CDH18: variants seen among roughly 807,000 people sequenced by gnomAD.
CDH18 encodes the protein cadherin 18.
In CDH18, 31 loss-of-function variants were observed where a neutral mutation model predicts 67.9. That is an observed-to-expected ratio of 0.46 (90% CI 0.34 to 0.62). CDH18 has a LOEUF of 0.62. CDH18 is among the 20% of genes least tolerant of loss of function. CDH18 has a pLI of 0.01. For synonymous variants in CDH18, 362 were observed against 347.2 expected (o/e 1.04, Z -0.48); for missense variants, 890 against 975.5 (o/e 0.91, Z 1.17).
At chr5:20,184,090 AT>A (rs1737907542) in intron 2 of CDH18, among the ~76,000 whole-genome samples, 1 of 152,096 alleles carries the variant, frequency 6.6e-6, no homozygotes, top group Non-Finnish European at 1.5e-5. Context: ...GTGTAATGCT[AT>A]GAAAGTTATT....
chr5:20,346,224 A>G lies in CDH18; in HGVS notation c.-579-90719T>C, dbSNP rs116162077. 6.9e-3 allele frequency among the ~76,000 whole-genome samples: 1,053 copies of G among 152,264 alleles called. 9 individuals are homozygous for G. The highest frequency in any genetic ancestry group is 9.4e-3 in the Non-Finnish European group (642 of 68,016). On this transcript the variant is annotated intron_variant, in intron 1 of 14. Transcript: ENST00000507958. ...GGAGACTAACAACATGGAACACTCT[A>G]TGTTATGGAGCAGAGAGTCTTATTA...
At chr5:19,875,419 G>C (rs62352171) in intron 2 of CDH18, among the ~76,000 whole-genome samples, 59 of 95,480 alleles carry the variant, frequency 6.2e-4, no homozygotes, top group South Asian at 1.1e-3. Context: ...TAGATAGATA[G>C]ATAGATAGAT....
intron 3 of CDH18, among the ~76,000 whole-genome samples, chr5:19,807,160 G>C (rs1778128102): frequency 6.6e-6 from 1 of 152,082 alleles, no homozygotes; most frequent in Non-Finnish European, 1.5e-5. Context: ...AAAATATAGG[G>C]ACCTGTTGGG....
At chr5:19,846,720 G>T (rs929192046) in intron 2 of CDH18, among the ~76,000 whole-genome samples, 2 of 151,974 alleles carry the variant, frequency 1.3e-5, no homozygotes, top group South Asian at 4.1e-4. Context: ...ATACTGAGGG[G>T]TAGCTGTACT....
rs775394918 is a variant in CDH18 at position 19,839,006 on chromosome 5, TCA to T, written c.-22_-21del. ...TTTCATTGTAAGATAACTTTCCAGT[TCA>T]CAGTTTTCCTTCCTTTCCTTGTCAG... On this transcript the variant is annotated 5_prime_UTR_variant, in exon 3 of 13. Coordinates refer to ENST00000382275, the MANE Select transcript of CDH18 (RefSeq NM_004934.5). 2.5e-6 allele frequency: 4 copies of T among 1,589,612 alleles called. No individual in the cohort carries two copies. The South Asian group carries it at 3.3e-5, about 13-fold the overall frequency.
intron 2 of CDH18, among the ~76,000 whole-genome samples, chr5:20,250,391 C>A (rs919684579): frequency 3.0e-4 from 45 of 151,474 alleles, no homozygotes; most frequent in Admixed American, 3.0e-3. Flanking sequence ...CTCCCGGATT[C>A]AATCGATTCT....
chr5:19,695,002 C>T (rs1762363990), intron 5 of CDH18, among the ~76,000 whole-genome samples: 1 of 152,136 alleles, frequency 6.6e-6, no homozygotes, highest in African/African-American at 2.4e-5. Context: ...AGGATAGTCC[C>T]TGAAACAGAG....
intron 1 of CDH18, among the ~76,000 whole-genome samples, chr5:20,406,321 A>T (rs1746249645): frequency 6.6e-6 from 1 of 152,110 alleles, no homozygotes; most frequent in Non-Finnish European, 1.5e-5. Context: ...TTCTCAGCAA[A>T]CTATCGCAAA....
chr5:19,702,189 C>G (rs371209563), intron 5 of CDH18, among the ~76,000 whole-genome samples: 1 of 147,638 alleles, frequency 6.8e-6, no homozygotes, highest in Admixed American at 6.7e-5. Flanking sequence ...CCCTCTGTCC[C>G]CCAGGCTGGA....
At chr5:20,546,620 T>C (rs1437635719) in intron 1 of CDH18, among the ~76,000 whole-genome samples, 1 of 152,010 alleles carries the variant, frequency 6.6e-6, no homozygotes, top group Admixed American at 6.6e-5. Flanking sequence ...ATCACAATAA[T>C]AACATGGGAG....
chr5:19,580,789 G>A (rs1001130555), intron 7 of CDH18, among the ~76,000 whole-genome samples: 2 of 151,940 alleles, frequency 1.3e-5, no homozygotes, highest in Non-Finnish European at 2.9e-5. Flanking sequence ...CAGAGGAAGT[G>A]TATAAGCTGT....
chr5:19,797,751 C>T (rs1777009940), intron 3 of CDH18, among the ~76,000 whole-genome samples: 1 of 152,030 alleles, frequency 6.6e-6, no homozygotes, highest in Admixed American at 6.6e-5. Flanking sequence ...AATGTCAGTT[C>T]TTCCCAAATC....
intron 5 of CDH18, among the ~76,000 whole-genome samples, chr5:19,700,519 C>T (rs556284257): frequency 3.5e-4 from 53 of 152,190 alleles, no homozygotes; most frequent in African/African-American, 1.3e-3. Flanking sequence ...TGGTTATTAC[C>T]TTTTCCTTTA....
At chr5:20,304,932 C>T (rs1736287994) in intron 1 of CDH18, 1 of 1,613,630 alleles carries the variant, frequency 6.2e-7, no homozygotes, top group Non-Finnish European at 8.5e-7. Context: ...TATTCACGTG[C>T]TTCACTATCC....
At chr5:19,514,947 C>G (rs1483106340) in intron 10 of CDH18, among the ~76,000 whole-genome samples, 12 of 152,082 alleles carry the variant, frequency 7.9e-5, no homozygotes, top group Admixed American at 2.0e-4. Flanking sequence ...ATGGAATTGC[C>G]TAGGTTTTCT....
chr5:20,427,419 T>C (rs1748386489), intron 1 of CDH18, among the ~76,000 whole-genome samples: 1 of 151,234 alleles, frequency 6.6e-6, no homozygotes, highest in Non-Finnish European at 1.5e-5. Context: ...TAATTTGAAA[T>C]AGGAAGAGAA....
intron 2 of CDH18, among the ~76,000 whole-genome samples, chr5:20,237,194 A>G (rs1742539246): frequency 1.3e-5 from 2 of 151,978 alleles, no homozygotes; most frequent in Non-Finnish European, 2.9e-5. Context: ...AAGGGCATCT[A>G]CAAAATGCCA....
chr5:20,570,595 A>G (rs1399473078), intron 1 of CDH18, among the ~76,000 whole-genome samples: 1 of 152,118 alleles, frequency 6.6e-6, no homozygotes, highest in East Asian at 1.9e-4. Context: ...ATCATGTTCT[A>G]GTCTGATTCA....
chr5:20,496,180 T>C (rs1005471499), intron 1 of CDH18, among the ~76,000 whole-genome samples: 6 of 152,130 alleles, frequency 3.9e-5, no homozygotes, highest in African/African-American at 1.4e-4. Flanking sequence ...GACTTATCTT[T>C]GTGATATTAG....
Sources: allele counts gnomAD v4.1 joint callset (sites outside exome capture counted in the v4.1 genomes callset), GRCh38; gene constraint gnomAD v4.1.1; transcripts MANE v1.5; gene names NCBI Gene and HGNC (gene_info 2026-07-23, HGNC 2026-07-21).